GRIK2: variants seen among roughly 807,000 people sequenced by gnomAD.
GRIK2 encodes the protein glutamate receptor ionotropic, kainate 2.
GRIK2 carries 32 observed loss-of-function variants against 100.3 expected under a neutral mutation model. That is an observed-to-expected ratio of 0.32 (90% CI 0.24 to 0.43). The LOEUF (loss-of-function observed/expected upper bound fraction) is 0.43. GRIK2 is among the 20% of genes least tolerant of loss of function. GRIK2 has a pLI of 1.00. For synonymous variants in GRIK2, 417 were observed against 389.4 expected (o/e 1.07, Z -0.83); for missense variants, 843 against 1,114.9 (o/e 0.76, Z 3.47).
chr6:101,913,260 T>C (rs1311300842), intron 12 of GRIK2, among the ~76,000 whole-genome samples: 2 of 151,558 alleles, frequency 1.3e-5, no homozygotes, highest in African/African-American at 4.8e-5. Context: ...CTATAATACC[T>C]CTATTATGCC....
At chr6:101,860,680 CTGTTTT>C (rs1257164555) in intron 11 of GRIK2, among the ~76,000 whole-genome samples, 8 of 152,088 alleles carry the variant, frequency 5.3e-5, no homozygotes, top group African/African-American at 1.9e-4. Context: ...TTCGAAAGGG[CTGTTTT>C]CTGTTTTCAG....
At chr6:102,029,927 A>G (rs1403336554) in intron 14 of GRIK2, among the ~76,000 whole-genome samples, 1 of 151,268 alleles carries the variant, frequency 6.6e-6, no homozygotes, top group South Asian at 2.1e-4. Context: ...CTGTATCTAC[A>G]TACATATATA....
rs79964122 is a variant in GRIK2, at chr6:101,406,580, G to C, written c.115+7188G>C. Among the ~76,000 whole-genome samples, 15 of 152,248 alleles carry C rather than the reference G, an allele frequency of 9.9e-5. No homozygotes were observed. The East Asian group carries it at 2.9e-3, about 29-fold the overall frequency. On this transcript the variant is annotated intron_variant, in intron 2 of 16. Transcript: ENST00000369134. Reference sequence around the variant, plus strand: ...AGGAACACATAGTCTCAAGACTGTAGAGTTAGGATGAGTTTATTAGGATCG... The same window carrying C: ...AGGAACACATAGTCTCAAGACTGTACAGTTAGGATGAGTTTATTAGGATCG...
At chr6:101,970,546 CA>C (rs745501680) in intron 14 of GRIK2, among the ~76,000 whole-genome samples, 1 of 151,802 alleles carries the variant, frequency 6.6e-6, no homozygotes, top group African/African-American at 2.4e-5. Flanking sequence ...ATTTATAGGA[CA>C]GGGGTGGTAA....
chr6:102,047,413 A>C (rs1445333901), intron 15 of GRIK2, among the ~76,000 whole-genome samples: 1 of 152,124 alleles, frequency 6.6e-6, no homozygotes, highest in African/African-American at 2.4e-5. Context: ...AATAAGTAGA[A>C]AGATATCTAT....
At chr6:101,581,761 A>T (rs972975606) in intron 2 of GRIK2, among the ~76,000 whole-genome samples, 1 of 152,118 alleles carries the variant, frequency 6.6e-6, no homozygotes, top group Non-Finnish European at 1.5e-5. Flanking sequence ...AATGGCATAA[A>T]CTCTTAGAAG....
At chr6:101,463,372 GA>G (rs1771445299) in intron 2 of GRIK2, among the ~76,000 whole-genome samples, 1 of 152,100 alleles carries the variant, frequency 6.6e-6, no homozygotes, top group South Asian at 2.1e-4. Context: ...AATCTATGGT[GA>G]AAAAAGTAAT....
chr6:101,552,795 TA>T (rs1230955344), intron 2 of GRIK2, among the ~76,000 whole-genome samples: 1 of 152,176 alleles, frequency 6.6e-6, no homozygotes, highest in African/African-American at 2.4e-5. Flanking sequence ...CAAAAGCCAC[TA>T]ATGAAAAAGT....
intron 4 of GRIK2, among the ~76,000 whole-genome samples, chr6:101,662,341 T>C (rs1009011037): frequency 6.6e-6 from 1 of 152,192 alleles, no homozygotes; most frequent in Non-Finnish European, 1.5e-5. Flanking sequence ...CTTCATAGGC[T>C]CGCTTCTCCT....
At chr6:101,889,615 T>TTTTTTG in intron 11 of GRIK2, 25 bp from the exon 12 acceptor site, 1 of 1,005,368 alleles carries the variant, frequency 9.9e-7, no homozygotes. Context: ...CTTTTTTTTT[T>TTTTTTG]TTTTTTGTTT....
intron 2 of GRIK2, among the ~76,000 whole-genome samples, chr6:101,453,535 C>CA (rs1770828206): frequency 6.6e-6 from 1 of 151,820 alleles, no homozygotes; most frequent in Non-Finnish European, 1.5e-5. Context: ...GTTACATGGC[C>CA]AAAAAATGTG....
intron 14 of GRIK2, among the ~76,000 whole-genome samples, chr6:102,000,066 C>A (rs1053445750): frequency 1.3e-5 from 2 of 151,714 alleles, no homozygotes; most frequent in African/African-American, 4.8e-5. Context: ...TTCTGAAAAC[C>A]TTTTACATCT....
intron 7 of GRIK2, among the ~76,000 whole-genome samples, chr6:101,705,205 A>G (rs1199550153): frequency 6.6e-6 from 1 of 151,354 alleles, no homozygotes; most frequent in Non-Finnish European, 1.5e-5. Flanking sequence ...CATAACCTGA[A>G]CTATTTTTTC....
At chr6:101,923,861 C>T (rs1258323943) in intron 12 of GRIK2, among the ~76,000 whole-genome samples, 3 of 142,590 alleles carry the variant, frequency 2.1e-5, no homozygotes, top group African/African-American at 8.0e-5. Context: ...GCGGAGGTTG[C>T]AGTGAGCCGA....
chr6:101,834,856 A>T (rs1005536120), intron 10 of GRIK2, among the ~76,000 whole-genome samples: 3 of 152,042 alleles, frequency 2.0e-5, no homozygotes, highest in Non-Finnish European at 4.4e-5. Context: ...ATAAAAAAAA[A>T]TAGCCAGGAA....
At chr6:102,037,288 T>C (rs540674630) in intron 15 of GRIK2, among the ~76,000 whole-genome samples, 52 of 151,416 alleles carry the variant, frequency 3.4e-4, no homozygotes, top group African/African-American at 1.0e-3. Context: ...AATGGTGTAA[T>C]TGGAATTGTC....
At chr6:102,022,242 T>C (rs894177816) in intron 14 of GRIK2, among the ~76,000 whole-genome samples, 1 of 151,262 alleles carries the variant, frequency 6.6e-6, no homozygotes, top group Non-Finnish European at 1.5e-5. Flanking sequence ...ACAGAGTCCA[T>C]AAATCATGAA....
chr6:101,997,471 A>G (rs1328893303), intron 14 of GRIK2, among the ~76,000 whole-genome samples: 1 of 152,028 alleles, frequency 6.6e-6, no homozygotes, highest in Admixed American at 6.6e-5. Flanking sequence ...ACTCAATGTG[A>G]TTATTAATTG....
At chr6:101,537,674 G>C (rs1032455722) in intron 2 of GRIK2, among the ~76,000 whole-genome samples, 1 of 151,762 alleles carries the variant, frequency 6.6e-6, no homozygotes, top group African/African-American at 2.4e-5. Flanking sequence ...ACTATCAATA[G>C]TTTCTCTAGT....
Sources: gnomAD v4.1 joint callset for allele counts (sites outside exome capture counted in the v4.1 genomes callset) on GRCh38, gnomAD v4.1.1 for gene constraint, MANE v1.5 for transcripts, NCBI Gene and HGNC (gene_info 2026-07-23, HGNC 2026-07-21) for gene names.